GDF1: variants seen among roughly 807,000 people sequenced by gnomAD.
GDF1 encodes growth differentiation factor 1.
In GDF1, 8 loss-of-function variants were observed where a neutral mutation model predicts 7.4. The observed-to-expected ratio is 1.09, with a 90% CI of 0.64 to 1.96. The LOEUF is 1.96. Among genes scored for constraint, GDF1 ranks in the 30% most tolerant of loss-of-function variants. GDF1 has a pLI of 0.00. For synonymous variants in GDF1, 311 were observed against 276.7 expected, an observed-to-expected ratio of 1.12 and a Z score of -1.23; for missense variants, 574 against 551.5, an observed-to-expected ratio of 1.04 and a Z score of -0.41.
chr19:18,876,588 T>C (rs1278369584), intron 6 of GDF1, among the ~76,000 whole-genome samples: 1 of 151,000 alleles, frequency 6.6e-6, no homozygotes, highest in Non-Finnish European at 1.5e-5. Flanking sequence ...TATCCCTATA[T>C]TGCCCAGGCT....
chr19:18,880,544 G>T, intron 3 of GDF1, 109 bp from the exon 4 acceptor site: 1 of 1,142,394 alleles, frequency 8.8e-7, no homozygotes, highest in South Asian at 1.7e-5. Context: ...CTCCCCGTGG[G>T]CCTCTTCAAA....
chr19:18,880,644 C>T (rs1367399549), intron 3 of GDF1, among the ~76,000 whole-genome samples: 3 of 151,928 alleles, frequency 2.0e-5, no homozygotes, highest in Non-Finnish European at 4.4e-5. Flanking sequence ...GCACCCCCAA[C>T]CAGACCCTCA....
At position 18,870,570 on chromosome 19, in the gene GDF1, G is replaced by A. The variant is rs747125941; in HGVS notation, c.-263C>T. The stretch of plus-strand genomic sequence containing the variant: ...GGGCCGGGTCCACGGGGGCGGGGCC[G>A]AGGGGTTCAGAAGCGCTTGTCCTTC... On this transcript the variant is annotated 5_prime_UTR_variant, in exon 7 of 8. Transcript: ENST00000247005. This position sits in a 1 kb window ranked among gnomAD's most constrained non-coding sequence, Gnocchi z 5.1. 1.0e-5 allele frequency: 6 copies of A among 590,270 alleles called. No individual in the cohort carries two copies. The highest frequency in any genetic ancestry group is 9.8e-5 in the African/African-American group (5 of 51,062). The allele number at this position is 590,270 out of a possible 1,614,324, so 36.6% of individuals were successfully genotyped here.
At chr19:18,884,319 C>T (rs1246501629) in intron 2 of GDF1, 52 bp from the exon 3 acceptor site, 5 of 1,530,840 alleles carry the variant, frequency 3.3e-6, no homozygotes, top group African/African-American at 1.4e-5. Context: ...TCTAGACGAT[C>T]GCCTCCATGA....
chr19:18,884,598 G>A (rs1454678541), intron 2 of GDF1, among the ~76,000 whole-genome samples: 1 of 151,498 alleles, frequency 6.6e-6, no homozygotes, highest in Non-Finnish European at 1.5e-5. Flanking sequence ...TAGTAGAGAC[G>A]GGGTTTCACT....
rs1011691382 is a variant in GDF1 at position 18,870,156 on chromosome 19, C to A, written c.152G>T (p.Gly51Val). Residue 51 changes from glycine to valine, a missense_variant, in exon 7 of 8, where the codon GGT (glycine) becomes GTT (valine). Gly to Val is a moderately radical substitution (Grantham distance 109). Transcript: ENST00000247005. This position sits in a 1 kb window ranked among gnomAD's most constrained non-coding sequence, Gnocchi z 5.1. ...GGGAACCGGCCGGAGCCTGGGGGCA[C>A]CCTGGGGCTCATCGCGCAGTCCTAG... ...QALGLRDEPQ[G>V]APRLRPVPPV... 59 of 1,562,664 alleles carry A rather than the reference C, an allele frequency of 3.8e-5. No homozygotes were observed. The highest frequency in any genetic ancestry group is 5.0e-5 in the Non-Finnish European group (58 of 1,160,162).
At chr19:18,880,479 G>A in intron 3 of GDF1, 44 bp from the exon 4 acceptor site, 1 of 1,525,592 alleles carries the variant, frequency 6.6e-7, no homozygotes, top group Non-Finnish European at 8.9e-7. Context: ...CTCACATTGG[G>A]GGACCTCCAC....
At chr19:18,887,523 T>TCA (rs2056390595) in intron 2 of GDF1, among the ~76,000 whole-genome samples, 2 of 152,144 alleles carry the variant, frequency 1.3e-5, no homozygotes, top group Non-Finnish European at 2.9e-5. Context: ...GGCAGGTGGA[T>TCA]CACCTGAGGT....
Position 18,869,297 on chromosome 19 carries a change from T to C in GDF1, c.419A>G (p.Glu140Gly). Residue 140 changes from glutamate (E) to glycine (G), a missense_variant, in exon 8 of 8, where the codon GAG (glutamate) becomes GGG (glycine). Coordinates refer to ENST00000247005, the MANE Select transcript of GDF1 (RefSeq NM_001492.6). The stretch of plus-strand genomic sequence containing the variant: ...CTCCAGGCGGGCCCGGCTCGGGCGC[T>C]CAGCGGGTTCCACAGCCGACAGGTC... The part of the protein sequence containing the change: ...VFDLSAVEPA[E>G]RPSRARLELR... 1 of 1,513,824 alleles carries C rather than the reference T, an allele frequency of 6.6e-7. No homozygotes were observed. Among genetic ancestry groups the C allele is most frequent in the Non-Finnish European group, 8.8e-7 (1 of 1,138,480 alleles). The allele number at this position is 1,513,824 out of a possible 1,614,324, so 93.8% of individuals were successfully genotyped here.
chr19:18,871,559 G>A (rs954888031), intron 6 of GDF1, among the ~76,000 whole-genome samples: 3 of 152,048 alleles, frequency 2.0e-5, no homozygotes, highest in Non-Finnish European at 4.4e-5. Context: ...AGATGAGGTC[G>A]CTATGTTGTA....
At chr19:18,880,005 C>T (rs1369643508) in intron 4 of GDF1, among the ~76,000 whole-genome samples, 1 of 151,738 alleles carries the variant, frequency 6.6e-6, no homozygotes, top group Non-Finnish European at 1.5e-5. Flanking sequence ...CCAGGCCCCT[C>T]CCCTTCCTGG....
At position 18,878,547 on chromosome 19, in the gene GDF1, C is replaced by CA. The variant is rs1446396596; in HGVS notation, c.-313+382dup. The CA allele has an allele frequency of 1.9e-6, 2 of 1,032,882 alleles. No homozygotes were observed. The highest frequency in any genetic ancestry group is 2.3e-6 in the Non-Finnish European group (2 of 857,898). The allele number at this position is 1,032,882 out of a possible 1,614,324, so 64.0% of individuals were successfully genotyped here. On this transcript the variant is annotated intron_variant, in intron 6 of 7. Coordinates refer to ENST00000247005, the MANE Select transcript of GDF1 (RefSeq NM_001492.6). The surrounding 1 kb of genome is among the most constrained non-coding windows in gnomAD (Gnocchi z 4.6). Reference sequence around the variant, plus strand: ...GTTCCTTCCTCCCCAGCCCCACTGCCACCAGCTCCAGTGGCGACATGGGTC... The same window carrying CA: ...GTTCCTTCCTCCCCAGCCCCACTGCCAACCAGCTCCAGTGGCGACATGGGTC...
chr19:18,881,735 G>C (rs887293027), intron 3 of GDF1: 3 of 151,980 alleles, frequency 2.0e-5, no homozygotes, highest in Non-Finnish European at 4.4e-5. Context: ...GCCAGTGCCT[G>C]GCATTCAGCA....
chr19:18,894,350 G>C (rs996993881), intron 1 of GDF1, among the ~76,000 whole-genome samples: 1 of 152,036 alleles, frequency 6.6e-6, no homozygotes, highest in Non-Finnish European at 1.5e-5. Flanking sequence ...CCGGAGCCCA[G>C]AGCACCCAGC....
intron 6 of GDF1, among the ~76,000 whole-genome samples, chr19:18,872,754 G>T (rs1174920709): frequency 3.3e-5 from 5 of 152,146 alleles, no homozygotes; most frequent in Non-Finnish European, 7.4e-5. Flanking sequence ...GACCTCAGGT[G>T]ATCCACCCGC....
Position 18,878,811 on chromosome 19 carries a change from G to T in GDF1, c.-313+119C>A, listed in dbSNP as rs986231487. On this transcript the variant is annotated intron_variant, in intron 6 of 7. Transcript: ENST00000247005. The surrounding 1 kb of genome is among the most constrained non-coding windows in gnomAD (Gnocchi z 4.6). ...GCAGTCTCTGTTTTGGAGTAGGCTT[G>T]GGGGGCAGCATCCGCGTCGGCCTCA... 1.3e-6 allele frequency: 2 copies of T among 1,491,210 alleles called. No homozygotes were observed. Among genetic ancestry groups the T allele is most frequent in the African/African-American group, 1.4e-5 (1 of 72,086 alleles). The allele number at this position is 1,491,210 out of a possible 1,614,324, so 92.4% of individuals were successfully genotyped here. A position where few individuals can be genotyped will look rare whatever the true frequency, so the allele number is the denominator to read the frequency against.
intron 2 of GDF1, among the ~76,000 whole-genome samples, chr19:18,885,749 GA>G (rs1427135827): frequency 6.6e-6 from 1 of 151,010 alleles, no homozygotes; most frequent in Admixed American, 6.6e-5. Context: ...TTGAACTCCT[GA>G]CCTTGTGATC....
At chr19:18,889,049 G>A (rs1422228766) in intron 2 of GDF1, among the ~76,000 whole-genome samples, 1 of 151,380 alleles carries the variant, frequency 6.6e-6, no homozygotes, top group Non-Finnish European at 1.5e-5. Context: ...GCATCCCCAC[G>A]CCTGGCTAAT....
At chr19:18,886,399 A>G (rs2056361814) in intron 2 of GDF1, among the ~76,000 whole-genome samples, 1 of 152,012 alleles carries the variant, frequency 6.6e-6, no homozygotes, top group Non-Finnish European at 1.5e-5. Context: ...AATACAAAAA[A>G]TTAGCCGGGT....
Sources: allele counts gnomAD v4.1 joint callset (sites outside exome capture counted in the v4.1 genomes callset), GRCh38; gene constraint gnomAD v4.1.1; non-coding constraint Gnocchi (gnomAD v3.1); transcripts MANE v1.5; gene names NCBI Gene and HGNC (gene_info 2026-07-23, HGNC 2026-07-21).